DEPTOR: variants seen among roughly 807,000 people sequenced by gnomAD.
DEPTOR encodes the protein DEP domain-containing mTOR-interacting protein.
In DEPTOR, 41 loss-of-function variants were observed where a neutral mutation model predicts 41.6. The ratio of observed to expected loss-of-function variants is 0.98; its 90% CI spans 0.77 to 1.28. DEPTOR has a LOEUF of 1.28. DEPTOR is among the 50% of genes most tolerant of loss of function. The pLI is 0.00. For synonymous variants in DEPTOR, 195 were observed against 192.3 expected, an observed-to-expected ratio of 1.01 and a Z score of -0.12; for missense variants, 514 against 527.9, an observed-to-expected ratio of 0.97 and a Z score of 0.26.
chr8:119,939,771 G>A (rs1050074460), intron 3 of DEPTOR, among the ~76,000 whole-genome samples: 2 of 151,906 alleles, frequency 1.3e-5, no homozygotes, highest in South Asian at 2.1e-4. Flanking sequence ...CACCACACCC[G>A]GCCAGTGTGG....
chr8:120,005,991 C>T (rs981042181), intron 6 of DEPTOR, among the ~76,000 whole-genome samples: 1 of 152,128 alleles, frequency 6.6e-6, no homozygotes, highest in Admixed American at 6.6e-5. Flanking sequence ...GAGTTTGATT[C>T]TACTTCTGCC....
intron 1 of DEPTOR, among the ~76,000 whole-genome samples, chr8:119,916,499 CT>C (rs1055441948): frequency 2.0e-5 from 3 of 152,116 alleles, no homozygotes; most frequent in African/African-American, 7.2e-5. Flanking sequence ...GTTACTATGT[CT>C]GCTGTCCACC....
intron 8 of DEPTOR, among the ~76,000 whole-genome samples, chr8:120,046,460 G>A (rs903414188): frequency 6.6e-6 from 1 of 151,422 alleles, no homozygotes; most frequent in African/African-American, 2.4e-5. Flanking sequence ...ACACTCTATG[G>A]TCTATTCTGA....
chr8:119,903,560 C>A (rs755982330), intron 1 of DEPTOR, among the ~76,000 whole-genome samples: 10 of 152,144 alleles, frequency 6.6e-5, no homozygotes, highest in Non-Finnish European at 1.5e-4. Context: ...CAGCAATGAT[C>A]TAATCCAGCT....
intron 4 of DEPTOR, among the ~76,000 whole-genome samples, chr8:119,989,507 C>T (rs1442331393): frequency 1.3e-5 from 2 of 152,176 alleles, no homozygotes; most frequent in Non-Finnish European, 2.9e-5. Context: ...CAGCACTTCT[C>T]TCTTGGATCT....
intron 1 of DEPTOR, among the ~76,000 whole-genome samples, chr8:119,875,431 A>G (rs1357039631): frequency 1.3e-5 from 2 of 152,224 alleles, no homozygotes; most frequent in Non-Finnish European, 2.9e-5. Context: ...AAGAGACCTG[A>G]TATCCCTTGG....
intron 8 of DEPTOR, among the ~76,000 whole-genome samples, chr8:120,018,438 G>A (rs2130128322): frequency 6.6e-6 from 1 of 152,284 alleles, no homozygotes; most frequent in Middle Eastern, 3.4e-3. Flanking sequence ...AATTAGCACG[G>A]CCTGGTAACA....
intron 1 of DEPTOR, among the ~76,000 whole-genome samples, chr8:119,925,757 T>A (rs1176439994): frequency 6.6e-6 from 1 of 152,146 alleles, no homozygotes; most frequent in Non-Finnish European, 1.5e-5. Flanking sequence ...CCTTAGTAGC[T>A]GGGATTACAG....
intron 4 of DEPTOR, among the ~76,000 whole-genome samples, chr8:119,970,407 G>A (rs1291071531): frequency 1.3e-5 from 2 of 152,132 alleles, no homozygotes; most frequent in Non-Finnish European, 2.9e-5. Context: ...AAGTTCCAGA[G>A]CTACCCTGTA....
At chr8:119,914,058 CT>C (rs1328167124) in intron 1 of DEPTOR, among the ~76,000 whole-genome samples, 1 of 132,152 alleles carries the variant, frequency 7.6e-6, no homozygotes, top group Non-Finnish European at 1.6e-5. Flanking sequence ...CTTTTTTGTT[CT>C]TTTTTTTGAG....
intron 1 of DEPTOR, among the ~76,000 whole-genome samples, chr8:119,889,243 CT>C (rs1221319028): frequency 6.7e-6 from 1 of 149,644 alleles, no homozygotes; most frequent in Non-Finnish European, 1.5e-5. Context: ...GGGAAGATAA[CT>C]GTCTTAGAAA....
intron 6 of DEPTOR, among the ~76,000 whole-genome samples, chr8:120,003,900 C>A (rs556685182): frequency 6.6e-6 from 1 of 152,342 alleles, no homozygotes; most frequent in African/African-American, 2.4e-5. Flanking sequence ...CACCTAATGT[C>A]CTCACTTGCC....
At chr8:119,944,222 C>T (rs1828240220) in intron 3 of DEPTOR, among the ~76,000 whole-genome samples, 1 of 152,152 alleles carries the variant, frequency 6.6e-6, no homozygotes, top group Non-Finnish European at 1.5e-5. Flanking sequence ...GAAAGTGAGA[C>T]GAGTTCATCT....
intron 3 of DEPTOR, among the ~76,000 whole-genome samples, chr8:119,951,260 G>A (rs538989352): frequency 1.3e-5 from 2 of 152,192 alleles, no homozygotes; most frequent in East Asian, 3.9e-4. Flanking sequence ...CCTGTCAAAT[G>A]AGCCTTTATA....
chr8:120,004,502 A>G lies in DEPTOR; in HGVS notation c.925+1391A>G, dbSNP rs549682733. ...TTAAAAGCAAAAGATCTCAGTTTCA[A>G]TAAAAGGGTCAGTGGTGCCATAACC... On this transcript the variant is annotated intron_variant, in intron 6 of 8. Coordinates refer to ENST00000286234, the MANE Select transcript of DEPTOR (RefSeq NM_022783.4). 5.9e-5 allele frequency among the ~76,000 whole-genome samples: 9 copies of G among 152,374 alleles called. No individual in the cohort carries two copies. The South Asian group carries it at 1.9e-3, about 32-fold the overall frequency.
rs576987100 is a variant in DEPTOR, at chr8:119,917,114, C to T, written c.123-11286C>T. On this transcript the variant is annotated intron_variant, in intron 1 of 8. Transcript: ENST00000286234. ...TACAGTGACTCCGGCAAGAGATCTA[C>T]GGGGCTGTGTGCTCTATCCTGTTTC... Among the ~76,000 whole-genome samples the T allele has an allele frequency of 5.9e-5, 9 of 152,288 alleles. No individual in the cohort carries two copies. In the South Asian group the frequency reaches 6.2e-4, roughly 11 times the overall value.
chr8:119,898,242 T>C (rs779376071), intron 1 of DEPTOR, among the ~76,000 whole-genome samples: 4 of 152,138 alleles, frequency 2.6e-5, no homozygotes, highest in Non-Finnish European at 4.4e-5. Context: ...TTGCCAACCC[T>C]TGGTGTATAT....
At chr8:119,966,732 C>T (rs775666523) in intron 4 of DEPTOR, among the ~76,000 whole-genome samples, 1 of 152,106 alleles carries the variant, frequency 6.6e-6, no homozygotes, top group Non-Finnish European at 1.5e-5. Flanking sequence ...CCACCTTGGC[C>T]TCCCGAAGAA....
chr8:120,046,542 TG>T (rs1813156313), intron 8 of DEPTOR, among the ~76,000 whole-genome samples: 1 of 152,222 alleles, frequency 6.6e-6, no homozygotes, highest in South Asian at 2.1e-4. Context: ...TTCCATTTTA[TG>T]GCCGAATAAT....
Sources: allele counts gnomAD v4.1 joint callset (sites outside exome capture counted in the v4.1 genomes callset), GRCh38; gene constraint gnomAD v4.1.1; transcripts MANE v1.5; gene names NCBI Gene and HGNC (gene_info 2026-07-23, HGNC 2026-07-21).